The following PPHLN1 variants were observed in gnomAD, a reference collection of about 807,000 sequenced individuals.
PPHLN1 encodes periphilin-1.
PPHLN1 carries 29 observed loss-of-function variants against 51.3 expected under a neutral mutation model. That is an observed-to-expected ratio of 0.57 (90% CI 0.42 to 0.77). The LOEUF is 0.77. PPHLN1 is among the 30% of genes least tolerant of loss of function. PPHLN1 has a pLI of 0.00. For missense variants in PPHLN1, 436 were observed against 438.4 expected (o/e 0.99, Z 0.05); for synonymous variants, 147 against 147.8 (o/e 0.99, Z 0.04).
intron 2 of PPHLN1, chr12:42,350,095 C>A (rs558712225): frequency 6.7e-5 from 10 of 149,074 alleles, no homozygotes; most frequent in African/African-American, 2.2e-4. Flanking sequence ...CCAGACGGGG[C>A]GGCTGCCGGG....
intron 7 of PPHLN1, among the ~76,000 whole-genome samples, chr12:42,391,288 G>C (rs1257514344): frequency 2.6e-5 from 4 of 152,184 alleles, no homozygotes; most frequent in African/African-American, 9.7e-5. Flanking sequence ...GTCCAGGCTG[G>C]AGTGCAATGG....
At chr12:42,346,765 G>A (rs2072398086) in intron 2 of PPHLN1, among the ~76,000 whole-genome samples, 1 of 152,114 alleles carries the variant, frequency 6.6e-6, no homozygotes, top group Admixed American at 6.5e-5. Flanking sequence ...GTAATCTCTT[G>A]TCTTTCTGAC....
chr12:42,412,998 C>T (rs897166439), intron 9 of PPHLN1, among the ~76,000 whole-genome samples: 1 of 151,970 alleles, frequency 6.6e-6, no homozygotes, highest in African/African-American at 2.4e-5. Context: ...GATTTGAGTT[C>T]CTCGTAGATT....
intron 4 of PPHLN1, among the ~76,000 whole-genome samples, chr12:42,369,568 A>G (rs1031294702): frequency 3.9e-5 from 6 of 152,130 alleles, no homozygotes; most frequent in South Asian, 2.1e-4. Flanking sequence ...AACATATATT[A>G]TTTTGTTTAT....
intron 9 of PPHLN1, among the ~76,000 whole-genome samples, chr12:42,412,273 A>G (rs2079938409): frequency 6.9e-6 from 1 of 145,602 alleles, no homozygotes; most frequent in Non-Finnish European, 1.5e-5. Context: ...GAGTCTCCAT[A>G]GTCCATTATA....
intron 5 of PPHLN1, among the ~76,000 whole-genome samples, chr12:42,381,495 A>T (rs1337470150): frequency 1.3e-5 from 2 of 152,202 alleles, no homozygotes; most frequent in Non-Finnish European, 2.9e-5. Flanking sequence ...CCAAGTATTC[A>T]GTCAGTTGGC....
intron 2 of PPHLN1, chr12:42,343,779 C>T (rs2071839289): frequency 1.1e-5 from 4 of 349,004 alleles, no homozygotes; most frequent in African/African-American, 2.2e-5. Flanking sequence ...GTGATCAATT[C>T]TTGGCTACAT....
intron 9 of PPHLN1, among the ~76,000 whole-genome samples, chr12:42,418,124 C>T (rs1365620654): frequency 6.7e-6 from 1 of 148,252 alleles, no homozygotes; most frequent in African/African-American, 2.5e-5. Flanking sequence ...TATTTTTAGT[C>T]GAGACAGGGT....
At chr12:42,413,009 C>T (rs2139552717) in intron 9 of PPHLN1, among the ~76,000 whole-genome samples, 1 of 152,212 alleles carries the variant, frequency 6.6e-6, no homozygotes, top group Middle Eastern at 3.4e-3. Flanking sequence ...CTCGTAGATT[C>T]TAGATATTAG....
chr12:42,384,081 A>G (rs1305144440), intron 5 of PPHLN1, among the ~76,000 whole-genome samples: 1 of 151,742 alleles, frequency 6.6e-6, no homozygotes, highest in Non-Finnish European at 1.5e-5. Flanking sequence ...GAGAAACAAA[A>G]CTTGCTGGAT....
chr12:42,352,610 A>G (rs920757886), intron 3 of PPHLN1, among the ~76,000 whole-genome samples: 1 of 150,610 alleles, frequency 6.6e-6, no homozygotes, highest in Non-Finnish European at 1.5e-5. Flanking sequence ...GGGTTTCACC[A>G]TGTTGGCCAG....
chr12:42,396,910 T>C (rs1012628312), intron 8 of PPHLN1, among the ~76,000 whole-genome samples: 4 of 151,426 alleles, frequency 2.6e-5, no homozygotes, highest in Admixed American at 2.0e-4. Flanking sequence ...CATGGTGGCA[T>C]GTGCCTGTAG....
chr12:42,376,922 A>AT (rs2076316412), intron 5 of PPHLN1, among the ~76,000 whole-genome samples: 1 of 152,052 alleles, frequency 6.6e-6, no homozygotes, highest in East Asian at 1.9e-4. Context: ...GTATACAAGT[A>AT]TTTTTTCTTT....
intron 9 of PPHLN1, among the ~76,000 whole-genome samples, chr12:42,417,112 T>A (rs537350865): frequency 1.3e-5 from 2 of 152,318 alleles, no homozygotes; most frequent in East Asian, 3.9e-4. Flanking sequence ...TGCAGAAGAA[T>A]AAGTGCATGA....
chr12:42,383,781 C>T (rs1437779150), intron 5 of PPHLN1, among the ~76,000 whole-genome samples: 2 of 151,776 alleles, frequency 1.3e-5, no homozygotes, highest in Non-Finnish European at 1.5e-5. Flanking sequence ...GAGTTCAAGA[C>T]CAGGCTGGCC....
At chr12:42,433,285 G>T in intron 9 of PPHLN1, 1 of 654,080 alleles carries the variant, frequency 1.5e-6, no homozygotes, top group Non-Finnish European at 2.9e-6. Flanking sequence ...GATGGTGGAG[G>T]TAATCTAACC....
chr12:42,396,567 C>A (rs2078212829), intron 8 of PPHLN1, among the ~76,000 whole-genome samples: 1 of 131,180 alleles, frequency 7.6e-6, no homozygotes. Flanking sequence ...TTGTTTGAGG[C>A]CAGGAGTTGC....
chr12:42,358,710 T>C (rs987860822), intron 4 of PPHLN1, among the ~76,000 whole-genome samples: 1 of 152,190 alleles, frequency 6.6e-6, no homozygotes, highest in Non-Finnish European at 1.5e-5. Flanking sequence ...CCGGCCAAAT[T>C]GAATCTTTTT....
At chr12:42,446,591 G>A (rs1345161278), downstream of PPHLN1, 1 of 1,613,074 alleles carries the variant, frequency 6.2e-7, no homozygotes, top group Non-Finnish European at 8.5e-7. Flanking sequence ...ACTAATTCTA[G>A]GATGTAAAGC....
Sources: gnomAD v4.1 joint callset for allele counts (sites outside exome capture counted in the v4.1 genomes callset) on GRCh38, gnomAD v4.1.1 for gene constraint, MANE v1.5 for transcripts, NCBI Gene and HGNC (gene_info 2026-07-23, HGNC 2026-07-21) for gene names.